The following CTDSPL2 variants were observed in gnomAD, a reference collection of about 807,000 sequenced individuals.
The protein encoded by CTDSPL2 is CTD small phosphatase-like protein 2.
A neutral mutation model predicts 60.0 loss-of-function variants in CTDSPL2; 5 were observed. The ratio of observed to expected loss-of-function variants is 0.08; its 90% CI spans 0.04 to 0.18. The LOEUF (loss-of-function observed/expected upper bound fraction) is 0.18, where lower values mean the gene tolerates loss of function less well. Among genes scored for constraint, CTDSPL2 ranks in the 10% least tolerant of loss-of-function variants. The pLI, the probability that CTDSPL2 is intolerant of heterozygous loss-of-function variation, is 1.00. For missense variants in CTDSPL2, 370 were observed against 548.8 expected (o/e 0.67, Z 3.26); for synonymous variants, 186 against 189.3 (o/e 0.98, Z 0.14).
intron 1 of CTDSPL2, among the ~76,000 whole-genome samples, chr15:44,430,775 T>C (rs1167207980): frequency 2.0e-5 from 3 of 152,086 alleles, no homozygotes; most frequent in Non-Finnish European, 4.4e-5. Context: ...AGCTAAAAAG[T>C]ACCTGATTGT....
At chr15:44,468,323 TG>T in intron 2 of CTDSPL2, among the ~76,000 whole-genome samples, 1 of 152,304 alleles carries the variant, frequency 6.6e-6, no homozygotes, top group East Asian at 1.9e-4. Context: ...CATCATATTT[TG>T]TTGGTATTTA....
chr15:44,438,128 G>T (rs1170423239), intron 1 of CTDSPL2, among the ~76,000 whole-genome samples: 1 of 152,200 alleles, frequency 6.6e-6, no homozygotes, highest in African/African-American at 2.4e-5. Flanking sequence ...GCCAGGCGTG[G>T]TGGTGGGCGC....
At chr15:44,464,822 C>G (rs1171994172) in intron 2 of CTDSPL2, among the ~76,000 whole-genome samples, 1 of 152,204 alleles carries the variant, frequency 6.6e-6, no homozygotes. Context: ...TCTCGTGCCT[C>G]AGCCTCCTGG....
At chr15:44,434,086 A>G (rs1456419200) in intron 1 of CTDSPL2, among the ~76,000 whole-genome samples, 6 of 151,814 alleles carry the variant, frequency 4.0e-5, no homozygotes, top group African/African-American at 1.5e-4. Flanking sequence ...TTATTTATTT[A>G]TTTATTTATT....
At chr15:44,520,805 G>A (rs2081753783) in intron 11 of CTDSPL2, 1 of 151,998 alleles carries the variant, frequency 6.6e-6, no homozygotes, top group Admixed American at 6.6e-5. Flanking sequence ...CCTCTTCAAT[G>A]AAATACCATT....
intron 10 of CTDSPL2, among the ~76,000 whole-genome samples, chr15:44,515,980 C>CTTTTTTTTTTTTTTTTT (rs1413702886): frequency 6.9e-6 from 1 of 145,150 alleles, no homozygotes. Flanking sequence ...TTCTTTCTTT[C>CTTTTTTTTTTTTTTTTT]TTTTTCTTTT....
intron 1 of CTDSPL2, among the ~76,000 whole-genome samples, chr15:44,435,520 GA>G (rs1157112969): frequency 1.3e-5 from 2 of 150,928 alleles, no homozygotes; most frequent in African/African-American, 4.9e-5. Flanking sequence ...AGTGAGCTGA[GA>G]TCGCGCCATC....
chr15:44,443,452 A>G (rs759238545), intron 1 of CTDSPL2, among the ~76,000 whole-genome samples: 3 of 152,178 alleles, frequency 2.0e-5, no homozygotes, highest in African/African-American at 7.2e-5. Context: ...GCAATTCTAT[A>G]TTTAATTTTT....
intron 1 of CTDSPL2, chr15:44,448,880 C>A: frequency 2.4e-6 from 1 of 412,286 alleles, no homozygotes; most frequent in African/African-American, 2.2e-5. Context: ...AGCAGTTGGC[C>A]ATTGAATGTA....
intron 1 of CTDSPL2, among the ~76,000 whole-genome samples, chr15:44,454,090 G>A (rs1160993371): frequency 2.0e-5 from 3 of 152,184 alleles, no homozygotes; most frequent in Admixed American, 6.5e-5. Context: ...AGCACCTGTT[G>A]TTTCCTGACT....
At chr15:44,523,794 G>A (rs1474904089) in intron 12 of CTDSPL2, among the ~76,000 whole-genome samples, 1 of 152,164 alleles carries the variant, frequency 6.6e-6, no homozygotes, top group Non-Finnish European at 1.5e-5. Flanking sequence ...AGCTACTTTG[G>A]AGGCTGAGGC....
chr15:44,492,455 G>T lies in CTDSPL2; in HGVS notation c.691+1456G>T, dbSNP rs1229564028. Among the ~76,000 whole-genome samples the T allele has an allele frequency of 2.0e-5, 3 of 152,168 alleles. No individual in the cohort carries two copies. The East Asian group carries it at 5.8e-4, about 29-fold the overall frequency. ...TTTACTTTACAATGGGTTTATCAGG[G>T]TGTTAAATGCATTTTGACCTATGAT... On this transcript the variant is annotated intron_variant, in intron 5 of 12. Transcript: ENST00000260327.
intron 11 of CTDSPL2, 77 bp downstream of exon 11, chr15:44,519,372 G>A: frequency 2.6e-6 from 3 of 1,165,520 alleles, no homozygotes; most frequent in Non-Finnish European, 3.6e-6. Flanking sequence ...AGAATATGAT[G>A]GGAGAAGAAG....
intron 10 of CTDSPL2, among the ~76,000 whole-genome samples, chr15:44,518,085 A>G (rs77549107): frequency 1.3e-5 from 2 of 152,162 alleles, no homozygotes; most frequent in African/African-American, 4.8e-5. Context: ...GTGTATATGT[A>G]GATTTTTATT....
intron 4 of CTDSPL2, among the ~76,000 whole-genome samples, chr15:44,488,148 C>A (rs1595750226): frequency 6.6e-6 from 1 of 151,994 alleles, no homozygotes; most frequent in East Asian, 1.9e-4. Context: ...AAGAATGGCT[C>A]CTCCTCCATA....
intron 4 of CTDSPL2, 99 bp downstream of exon 4, chr15:44,486,799 T>C: frequency 1.1e-6 from 1 of 918,432 alleles, no homozygotes; most frequent in East Asian, 2.7e-5. Context: ...TCTCTCTTTG[T>C]TGCCCAGGCT....
chr15:44,457,401 C>T (rs4513066), intron 1 of CTDSPL2, among the ~76,000 whole-genome samples: 4,589 of 152,260 alleles, frequency 0.03, 247 homozygotes, highest in African/African-American at 0.1. Context: ...AGCTTCTTTC[C>T]TTAAACCTCA....
At chr15:44,432,065 G>T (rs938747809) in intron 1 of CTDSPL2, among the ~76,000 whole-genome samples, 1 of 151,926 alleles carries the variant, frequency 6.6e-6, no homozygotes, top group South Asian at 2.1e-4. Context: ...ATTAGAAGGG[G>T]TGTAGAATAT....
chr15:44,501,138 T>C (rs2081375650), intron 8 of CTDSPL2, among the ~76,000 whole-genome samples: 1 of 152,148 alleles, frequency 6.6e-6, no homozygotes, highest in African/African-American at 2.4e-5. Context: ...GTTTTCTCTT[T>C]TAAGCTCGAT....
Sources: allele counts gnomAD v4.1 joint callset (sites outside exome capture counted in the v4.1 genomes callset), GRCh38; gene constraint gnomAD v4.1.1; transcripts MANE v1.5; gene names NCBI Gene and HGNC (gene_info 2026-07-23, HGNC 2026-07-21).